MEI4: variants seen among roughly 807,000 people sequenced by gnomAD.
MEI4 encodes meiosis-specific protein MEI4.
In MEI4, 27 loss-of-function variants were observed where a neutral mutation model predicts 31.4. The observed-to-expected ratio is 0.86, with a 90% confidence interval of 0.63 to 1.19. MEI4 has a LOEUF of 1.19. Ranked by LOEUF, MEI4 falls within the 50% of genes most tolerant of loss-of-function variation. MEI4 has a pLI of 0.00. For missense variants in MEI4, 329 were observed against 398.9 expected, an observed-to-expected ratio of 0.82 and a Z score of 1.49; for synonymous variants, 122 against 145.4, an observed-to-expected ratio of 0.84 and a Z score of 1.16.
intron 4 of MEI4, among the ~76,000 whole-genome samples, chr6:77,860,919 CTTG>C (rs889127268): frequency 3.7e-4 from 57 of 152,250 alleles, no homozygotes; most frequent in African/African-American, 1.3e-3. Flanking sequence ...GAGTATTTCA[CTTG>C]TTGTTCTTTG....
intron 2 of MEI4, among the ~76,000 whole-genome samples, chr6:77,753,842 G>A (rs919949546): frequency 6.6e-6 from 1 of 152,106 alleles, no homozygotes; most frequent in Non-Finnish European, 1.5e-5. Flanking sequence ...CAAAGACTTG[G>A]AACCAACCCA....
chr6:77,865,742 A>T (rs1456829878), intron 4 of MEI4, among the ~76,000 whole-genome samples: 1 of 152,194 alleles, frequency 6.6e-6, no homozygotes, highest in Admixed American at 6.5e-5. Context: ...GGCCAGCATC[A>T]TCCTGATACC....
At chr6:77,694,164 A>C (rs1769211693) in intron 2 of MEI4, among the ~76,000 whole-genome samples, 2 of 152,058 alleles carry the variant, frequency 1.3e-5, no homozygotes, top group Admixed American at 1.3e-4. Context: ...CAATATAATC[A>C]TGTTATGCTA....
In MEI4 at chr6:77,662,729, A is replaced by G. The variant is rs1437846683; in HGVS notation, c.-15+9637A>G. 2.0e-5 allele frequency among the ~76,000 whole-genome samples: 3 copies of G among 152,316 alleles called. No homozygotes were observed. In the East Asian group the frequency reaches 5.8e-4, roughly 29 times the overall value. ...GTGTGGTCCTGGCTCTTGTGTAAGA[A>G]TTCTGACCATGCTAACCATGCCTAG... On this transcript the variant is annotated intron_variant, in intron 1 of 4. Coordinates refer to ENST00000684080, the MANE Select transcript of MEI4 (RefSeq NM_001322247.2).
intron 1 of MEI4, among the ~76,000 whole-genome samples, chr6:77,667,298 C>T (rs1582004595): frequency 6.6e-6 from 1 of 152,138 alleles, no homozygotes; most frequent in South Asian, 2.1e-4. Flanking sequence ...GCTTACCATG[C>T]CCCATACTCC....
chr6:77,792,652 A>G (rs1266291051), intron 3 of MEI4, among the ~76,000 whole-genome samples: 4 of 151,528 alleles, frequency 2.6e-5, no homozygotes, highest in Admixed American at 6.6e-5. Context: ...TGATTTTTGT[A>G]TATGATGTGA....
At chr6:77,735,175 T>C (rs1767149921) in intron 2 of MEI4, among the ~76,000 whole-genome samples, 2 of 152,054 alleles carry the variant, frequency 1.3e-5, no homozygotes. Flanking sequence ...ATTTGAATGT[T>C]GGCCTGCCTT....
chr6:77,683,978 G>T (rs1769005497), intron 1 of MEI4, among the ~76,000 whole-genome samples: 1 of 152,114 alleles, frequency 6.6e-6, no homozygotes, highest in Non-Finnish European at 1.5e-5. Flanking sequence ...CGTAGATGTT[G>T]TACTAATTTA....
intron 1 of MEI4, among the ~76,000 whole-genome samples, chr6:77,673,475 T>C (rs1768784387): frequency 6.6e-6 from 1 of 152,070 alleles, no homozygotes; most frequent in African/African-American, 2.4e-5. Flanking sequence ...AGATTCAGCC[T>C]GCAGGCCCTC....
At chr6:77,804,723 A>C (rs768655670) in intron 3 of MEI4, among the ~76,000 whole-genome samples, 9 of 152,188 alleles carry the variant, frequency 5.9e-5, no homozygotes, top group Non-Finnish European at 8.8e-5. Flanking sequence ...AAAAATGAAA[A>C]TATCTACGTG....
intron 2 of MEI4, among the ~76,000 whole-genome samples, chr6:77,759,095 A>G (rs1767983825): frequency 6.6e-6 from 1 of 150,414 alleles, no homozygotes; most frequent in African/African-American, 2.5e-5. Flanking sequence ...GTTTGTTTAA[A>G]TTAGCAATTC....
intron 3 of MEI4, among the ~76,000 whole-genome samples, chr6:77,825,000 C>G (rs1769908792): frequency 6.6e-6 from 1 of 151,278 alleles, no homozygotes; most frequent in Non-Finnish European, 1.5e-5. Flanking sequence ...TTAGGTACCT[C>G]TGATCTCAAC....
At chr6:77,679,079 T>TA (rs1449364262) in intron 1 of MEI4, among the ~76,000 whole-genome samples, 2 of 152,110 alleles carry the variant, frequency 1.3e-5, no homozygotes, top group Admixed American at 6.5e-5. Context: ...GTCAAAAAGT[T>TA]AAAAAAATCT....
chr6:77,746,468 G>T (rs1029322240), intron 2 of MEI4, among the ~76,000 whole-genome samples: 34 of 152,064 alleles, frequency 2.2e-4, no homozygotes, highest in African/African-American at 7.2e-4. Flanking sequence ...CATTTATCCT[G>T]CTTTCACACT....
rs192299041 is a variant in MEI4, at chr6:77,892,236, G to A, written c.901-30853G>A. Reference sequence around the variant, plus strand: ...CCCATGATGGTGCTTGCATGTCATTGCCAGCAGCAGTGGTGGTAAAGGCAA... The same window carrying A: ...CCCATGATGGTGCTTGCATGTCATTACCAGCAGCAGTGGTGGTAAAGGCAA... On this transcript the variant is annotated intron_variant, in intron 4 of 4. Coordinates refer to ENST00000684080, the MANE Select transcript of MEI4 (RefSeq NM_001322247.2). Among the ~76,000 whole-genome samples the A allele has an allele frequency of 1.4e-3, 213 of 152,252 alleles. 1 individual carries two copies. The highest frequency in any genetic ancestry group is 4.5e-3 in the African/African-American group (187 of 41,558).
intron 2 of MEI4, among the ~76,000 whole-genome samples, chr6:77,707,291 A>C (rs2127658635): frequency 6.6e-6 from 1 of 152,306 alleles, no homozygotes; most frequent in East Asian, 1.9e-4. Flanking sequence ...GGATCTGTGG[A>C]AGTTTGAGCT....
chr6:77,830,682 G>A (rs1405736944), intron 4 of MEI4, among the ~76,000 whole-genome samples: 1 of 152,010 alleles, frequency 6.6e-6, no homozygotes, highest in Non-Finnish European at 1.5e-5. Context: ...ATTGGTGCCA[G>A]GAAAACTGGA....
At chr6:77,799,395 C>T (rs1769180674) in intron 3 of MEI4, among the ~76,000 whole-genome samples, 1 of 151,858 alleles carries the variant, frequency 6.6e-6, no homozygotes, top group Non-Finnish European at 1.5e-5. Context: ...GGATATTAGC[C>T]CTTTGTCAGA....
chr6:77,654,206 A>G (rs570994688), intron 1 of MEI4, among the ~76,000 whole-genome samples: 3 of 152,194 alleles, frequency 2.0e-5, no homozygotes, highest in Non-Finnish European at 2.9e-5. Flanking sequence ...TTCTTACTGA[A>G]CAGGGAGTGT....
Sources: allele counts gnomAD v4.1 joint callset (sites outside exome capture counted in the v4.1 genomes callset), GRCh38; gene constraint gnomAD v4.1.1; transcripts MANE v1.5; gene names NCBI Gene and HGNC (gene_info 2026-07-23, HGNC 2026-07-21).